Variants in PCDHGB5 observed in about 807,000 individuals in gnomAD.
PCDHGB5 encodes protocadherin gamma subfamily B, 5.
Under a neutral mutation model 62.9 loss-of-function variants are expected in PCDHGB5, and 48 were observed. That is an observed-to-expected ratio of 0.76 (90% CI 0.61 to 0.97). The LOEUF (loss-of-function observed/expected upper bound fraction) is 0.97. PCDHGB5 is among the 50% of genes least tolerant of loss of function. The pLI, the probability that PCDHGB5 is intolerant of heterozygous loss-of-function variation, is 0.00. For missense variants in PCDHGB5, 1,118 were observed against 1,198.6 expected (o/e 0.93, Z 0.99); for synonymous variants, 474 against 511.2 (o/e 0.93, Z 0.98).
intron 1 of PCDHGB5, among the ~76,000 whole-genome samples, chr5:141,461,739 C>T (rs1048636018): frequency 3.9e-5 from 6 of 152,134 alleles, no homozygotes; most frequent in Non-Finnish European, 7.4e-5. Context: ...GGCACAATCC[C>T]GGCTCCCAGA....
At chr5:141,423,485 C>T (rs752918607) in intron 1 of PCDHGB5, 30 of 1,613,840 alleles carry the variant, frequency 1.9e-5, no homozygotes, top group Non-Finnish European at 2.2e-5. Context: ...TTCCTGCAAA[C>T]CTATTCCCAC....
rs1029080327 is a variant in PCDHGB5 at position 141,512,737 on chromosome 5, G to C, written c.*1564G>C. 6.5e-5 allele frequency: 10 copies of C among 152,868 alleles called. No individual in the cohort carries two copies. The highest frequency in any genetic ancestry group is 2.4e-4 in the African/African-American group (10 of 41,472). 9.5% of individuals were successfully genotyped at this position (152,868 alleles called of 1,614,324 possible). On this transcript the variant is annotated 3_prime_UTR_variant, in exon 4 of 4. Transcript: ENST00000617380. Reference sequence around the variant, plus strand: ...ATGGCGGGTGGGCAGCGGGCGGCGGGCTCCGCGCAGCCGTCTGTCCTTGAT... The same window carrying C: ...ATGGCGGGTGGGCAGCGGGCGGCGGCCTCCGCGCAGCCGTCTGTCCTTGAT...
At chr5:141,496,886 C>T (rs1562175671) in intron 2 of PCDHGB5, among the ~76,000 whole-genome samples, 1 of 135,246 alleles carries the variant, frequency 7.4e-6, no homozygotes, top group African/African-American at 2.9e-5. Context: ...ACAAGTAACA[C>T]TTAAAAAAAA....
At chr5:141,481,327 T>C (rs2099535776) in intron 1 of PCDHGB5, among the ~76,000 whole-genome samples, 1 of 152,244 alleles carries the variant, frequency 6.6e-6, no homozygotes, top group Non-Finnish European at 1.5e-5. Context: ...CACTAGCCCC[T>C]GGACAACTAT....
At position 141,431,338 on chromosome 5, in the gene PCDHGB5, A is replaced by G; in HGVS notation, c.2397+30814A>G. On this transcript the variant is annotated intron_variant, in intron 1 of 3. Transcript: ENST00000617380. This position sits in a 1 kb window ranked among gnomAD's most constrained non-coding sequence, Gnocchi z 4.8. ...GAGCCGACGGTAGTAAGTACCCCGA[A>G]TTGGTGCTGAAACGCGCCCTGGACC... 1 of 1,614,068 alleles carries G rather than the reference A, an allele frequency of 6.2e-7. No homozygotes were observed. The highest frequency in any genetic ancestry group is 8.5e-7 in the Non-Finnish European group (1 of 1,180,032).
intron 1 of PCDHGB5, among the ~76,000 whole-genome samples, chr5:141,473,946 G>A (rs1399816546): frequency 6.6e-6 from 1 of 152,170 alleles, no homozygotes; most frequent in African/African-American, 2.4e-5. Context: ...GCTCAGGCCT[G>A]TAGTCCCATC....
chr5:141,443,018 A>G (rs2098358800), intron 1 of PCDHGB5, among the ~76,000 whole-genome samples: 1 of 152,208 alleles, frequency 6.6e-6, no homozygotes, highest in Admixed American at 6.5e-5. Flanking sequence ...TGACTAATGG[A>G]AGTTGCCAGA....
At chr5:141,424,525 A>G (rs1010194490) in intron 1 of PCDHGB5, 2 of 152,196 alleles carry the variant, frequency 1.3e-5, no homozygotes, top group Non-Finnish European at 2.9e-5. Context: ...TAGTAAATCC[A>G]TATATAGAAA....
At chr5:141,510,062 G>GA (rs1448334820) in intron 3 of PCDHGB5, among the ~76,000 whole-genome samples, 1 of 152,150 alleles carries the variant, frequency 6.6e-6, no homozygotes. Flanking sequence ...TTGTGCATGT[G>GA]AAGCATCCAG....
intron 1 of PCDHGB5, among the ~76,000 whole-genome samples, chr5:141,401,855 C>T (rs1188056656): frequency 1.3e-5 from 2 of 152,164 alleles, no homozygotes; most frequent in African/African-American, 2.4e-5. Flanking sequence ...TACTTTTAAC[C>T]TTTCAGTAGT....
rs551129846 is a variant in PCDHGB5, at chr5:141,432,711, A to T, written c.2397+32187A>T. 5 of 1,613,944 alleles carry T rather than the reference A, an allele frequency of 3.1e-6. No individual in the cohort carries two copies. The Admixed American group carries it at 8.3e-5, about 27-fold the overall frequency. ...GTAGTGGCCGTCCAGGACCACGGCCAGCCCCCTCTCTCCGCCACTGTCACG... is the reference window on the plus strand; with the variant it reads ...GTAGTGGCCGTCCAGGACCACGGCCTGCCCCCTCTCTCCGCCACTGTCACG... On this transcript the variant is annotated intron_variant, in intron 1 of 3. Transcript: ENST00000617380. This position sits in a 1 kb window ranked among gnomAD's most constrained non-coding sequence, Gnocchi z 6.0.
chr5:141,404,879 G>C (rs770577946), intron 1 of PCDHGB5: 1 of 1,613,906 alleles, frequency 6.2e-7, no homozygotes, highest in Non-Finnish European at 8.5e-7. Flanking sequence ...ACAGAGCCTT[G>C]TGGTGGCTGT....
intron 1 of PCDHGB5, among the ~76,000 whole-genome samples, chr5:141,484,730 G>T (rs1231473842): frequency 6.6e-6 from 1 of 151,728 alleles, no homozygotes; most frequent in Non-Finnish European, 1.5e-5. Context: ...GGGGTCAGTC[G>T]GTGTGTTAGG....
intron 1 of PCDHGB5, chr5:141,418,597 G>A (rs2096274061): frequency 3.7e-6 from 6 of 1,614,052 alleles, no homozygotes; most frequent in Non-Finnish European, 5.1e-6. Flanking sequence ...GCCAGGACGT[G>A]TACAGGGTTA....
intron 1 of PCDHGB5, among the ~76,000 whole-genome samples, chr5:141,435,770 C>G (rs1445835726): frequency 6.6e-6 from 1 of 152,070 alleles, no homozygotes; most frequent in Non-Finnish European, 1.5e-5. Context: ...TTGGTGAATT[C>G]TGTAAAGGTG....
In PCDHGB5 at chr5:141,477,472, C is replaced by T. The variant is rs764533834; in HGVS notation, c.2398-17335C>T. 1 of 1,614,156 alleles carries T rather than the reference C, an allele frequency of 6.2e-7. No homozygotes were observed. Among genetic ancestry groups the T allele is most frequent in the South Asian group, 1.1e-5 (1 of 91,080 alleles). Reference sequence around the variant, plus strand: ...GTGTTCAAGTGTCCGACATCAATGACAACCCTCCACAATCTTCTCAATCTT... The same window carrying T: ...GTGTTCAAGTGTCCGACATCAATGATAACCCTCCACAATCTTCTCAATCTT... On this transcript the variant is annotated intron_variant, in intron 1 of 3. Transcript: ENST00000617380. This position sits in a 1 kb window ranked among gnomAD's most constrained non-coding sequence, Gnocchi z 4.9.
chr5:141,490,796 A>G lies in PCDHGB5; in HGVS notation c.2398-4011A>G. ...CCAGAGGATGGACGGATCTTTGCCC[A>G]GCGTACCTTTGACTATGAATTGCTG... On this transcript the variant is annotated intron_variant, in intron 1 of 3. Coordinates refer to ENST00000617380, the MANE Select transcript of PCDHGB5 (RefSeq NM_018925.3). The surrounding 1 kb of genome is among the most constrained non-coding windows in gnomAD (Gnocchi z 5.4). The G allele has an allele frequency of 6.2e-7, 1 of 1,613,978 alleles. No individual in the cohort carries two copies. The highest frequency in any genetic ancestry group is 8.5e-7 in the Non-Finnish European group (1 of 1,179,904).
intron 1 of PCDHGB5, among the ~76,000 whole-genome samples, chr5:141,455,860 ATTATTTATTTAT>A (rs145569377): frequency 0.023 from 3,231 of 139,812 alleles, 82 homozygotes; most frequent in African/African-American, 0.066. Context: ...AATTTCTTTT[ATTATTTATTTAT>A]TTATTTATTT....
intron 1 of PCDHGB5, chr5:141,415,029 G>C (rs777967290): frequency 6.2e-7 from 1 of 1,613,552 alleles, no homozygotes; most frequent in South Asian, 1.1e-5. Flanking sequence ...CCAGCGAGCC[G>C]GGACTCTTCG....
Sources: allele counts gnomAD v4.1 joint callset (sites outside exome capture counted in the v4.1 genomes callset), GRCh38; gene constraint gnomAD v4.1.1; non-coding constraint Gnocchi (gnomAD v3.1); transcripts MANE v1.5; gene names NCBI Gene and HGNC (gene_info 2026-07-23, HGNC 2026-07-21).